The following NRG1 variants were observed in gnomAD, a reference collection of about 807,000 sequenced individuals.
NRG1 encodes the protein pro-neuregulin-1, membrane-bound isoform.
Under a neutral mutation model 63.8 loss-of-function variants are expected in NRG1, and 18 were observed. The observed-to-expected ratio is 0.28, with a 90% CI of 0.19 to 0.42. NRG1 has a LOEUF of 0.42. Among genes scored for constraint, NRG1 ranks in the 10% least tolerant of loss-of-function variants. The pLI is 1.00. For missense variants in NRG1, 762 were observed against 814.7 expected (o/e 0.94, Z 0.79); for synonymous variants, 302 against 301.3 (o/e 1.00, Z -0.02).
chr8:32,642,266 G>T (rs1297715914), intron 5 of NRG1, among the ~76,000 whole-genome samples: 1 of 152,226 alleles, frequency 6.6e-6, no homozygotes, highest in African/African-American at 2.4e-5. Flanking sequence ...CAAAATGTAT[G>T]TATTGAATGG....
At chr8:31,739,762 A>C (rs1034615667) in intron 1 of NRG1, among the ~76,000 whole-genome samples, 2 of 152,078 alleles carry the variant, frequency 1.3e-5, no homozygotes, top group African/African-American at 4.8e-5. Flanking sequence ...GTTGCACGAG[A>C]GTGTTCTTCA....
intron 7 of NRG1, among the ~76,000 whole-genome samples, chr8:32,751,472 A>G (rs900045883): frequency 2.0e-5 from 3 of 152,178 alleles, no homozygotes; most frequent in Non-Finnish European, 4.4e-5. Flanking sequence ...ACATAAGAAA[A>G]AAATTAATAT....
chr8:31,853,684 T>C (rs1236780912), intron 1 of NRG1, among the ~76,000 whole-genome samples: 4 of 151,210 alleles, frequency 2.6e-5, no homozygotes, highest in South Asian at 2.1e-4. Context: ...ATCCCTGTCT[T>C]GTGCCAGTTT....
chr8:31,963,347 T>C (rs1047784588), intron 1 of NRG1, among the ~76,000 whole-genome samples: 6 of 152,228 alleles, frequency 3.9e-5, no homozygotes, highest in Non-Finnish European at 7.3e-5. Context: ...TCATTTCAAT[T>C]TCATTACCTT....
chr8:32,768,499 A>G (rs1831588298), downstream of NRG1, among the ~76,000 whole-genome samples: 1 of 152,182 alleles, frequency 6.6e-6, no homozygotes, highest in Admixed American at 6.6e-5. Context: ...TCATAATTTT[A>G]AAAGAGGAGA....
chr8:32,202,841 G>T (rs1232094881), intron 1 of NRG1, among the ~76,000 whole-genome samples: 2 of 150,920 alleles, frequency 1.3e-5, no homozygotes, highest in Admixed American at 6.6e-5. Context: ...GGATATTGGG[G>T]TTTATATGGA....
intron 1 of NRG1, among the ~76,000 whole-genome samples, chr8:31,879,524 A>C: frequency 6.6e-6 from 1 of 152,236 alleles, no homozygotes; most frequent in East Asian, 1.9e-4. Flanking sequence ...ATCCAGGGTC[A>C]GATCTGGAAG....
At chr8:32,172,905 G>A (rs536746258) in intron 1 of NRG1, among the ~76,000 whole-genome samples, 15 of 152,282 alleles carry the variant, frequency 9.9e-5, no homozygotes, top group Admixed American at 7.2e-4. Context: ...AACCAAGTTC[G>A]AAAACACTCT....
At chr8:32,188,812 G>T (rs1842209349) in intron 1 of NRG1, among the ~76,000 whole-genome samples, 1 of 152,080 alleles carries the variant, frequency 6.6e-6, no homozygotes, top group Non-Finnish European at 1.5e-5. Flanking sequence ...GGACTGTTGT[G>T]GGGTGGGGGG....
chr8:31,985,310 T>C (rs1238980526), intron 1 of NRG1, among the ~76,000 whole-genome samples: 1 of 152,090 alleles, frequency 6.6e-6, no homozygotes, highest in Non-Finnish European at 1.5e-5. Context: ...ATCTTGCACT[T>C]TGCTCTAAAG....
intron 1 of NRG1, among the ~76,000 whole-genome samples, chr8:31,768,907 A>C (rs1025940090): frequency 6.6e-6 from 1 of 152,194 alleles, no homozygotes; most frequent in African/African-American, 2.4e-5. Flanking sequence ...CTTTCTCTGG[A>C]CACCAGCTAC....
chr8:31,765,923 G>T (rs1372306923), intron 1 of NRG1, among the ~76,000 whole-genome samples: 3 of 152,142 alleles, frequency 2.0e-5, no homozygotes, highest in Non-Finnish European at 4.4e-5. Context: ...TAGAGGAAAT[G>T]CTTAGTCAAT....
chr8:32,595,159 C>T (rs550539388), intron 1 of NRG1, among the ~76,000 whole-genome samples: 21 of 152,002 alleles, frequency 1.4e-4, no homozygotes, highest in East Asian at 9.7e-4. Context: ...AATAATGGCC[C>T]GGTTACATAT....
chr8:32,578,380 T>G (rs187997239), intron 1 of NRG1, among the ~76,000 whole-genome samples: 1 of 152,322 alleles, frequency 6.6e-6, no homozygotes, highest in Admixed American at 6.5e-5. Context: ...TGCTTCAAAT[T>G]GTTCATGTGC....
chr8:32,005,533 A>G (rs2129781437), intron 1 of NRG1, among the ~76,000 whole-genome samples: 1 of 152,142 alleles, frequency 6.6e-6, no homozygotes, highest in Middle Eastern at 3.4e-3. Context: ...CATCTTAAGA[A>G]CCTCATATAA....
chr8:32,567,735 A>G (rs922536886), intron 1 of NRG1, among the ~76,000 whole-genome samples: 4 of 152,264 alleles, frequency 2.6e-5, no homozygotes, highest in African/African-American at 9.6e-5. Flanking sequence ...GCCATCACCA[A>G]TGAAAGTGCC....
intron 1 of NRG1, among the ~76,000 whole-genome samples, chr8:32,316,727 A>T (rs991022241): frequency 6.6e-6 from 1 of 152,108 alleles, no homozygotes; most frequent in African/African-American, 2.4e-5. Flanking sequence ...AACTTCACTC[A>T]TTACTGATGC....
intron 5 of NRG1, among the ~76,000 whole-genome samples, chr8:32,689,447 A>T (rs1811024059): frequency 6.6e-6 from 1 of 152,202 alleles, no homozygotes; most frequent in South Asian, 2.1e-4. Context: ...GCAACTTAAT[A>T]AACGGCTGTT....
At chr8:32,247,985 G>A (rs116299424) in intron 1 of NRG1, among the ~76,000 whole-genome samples, 40 of 152,172 alleles carry the variant, frequency 2.6e-4, no homozygotes, top group African/African-American at 9.6e-4. Context: ...TCTTATAAAT[G>A]AATTCATCAA....
Sources: allele counts gnomAD v4.1 joint callset (sites outside exome capture counted in the v4.1 genomes callset), GRCh38; gene constraint gnomAD v4.1.1; transcripts MANE v1.5; gene names NCBI Gene and HGNC (gene_info 2026-07-23, HGNC 2026-07-21).